ZKSCAN3: variants seen among roughly 807,000 people sequenced by gnomAD.
ZKSCAN3 encodes the protein zinc finger with KRAB and SCAN domains 3.
In ZKSCAN3, 21 loss-of-function variants were observed where a neutral mutation model predicts 30.7. The observed-to-expected ratio is 0.68, with a 90% CI of 0.49 to 0.99. The LOEUF (loss-of-function observed/expected upper bound fraction) is 0.99. Among genes scored for constraint, ZKSCAN3 ranks in the 50% least tolerant of loss-of-function variants. The pLI is 0.00. For missense variants in ZKSCAN3, 507 were observed against 647.1 expected, an observed-to-expected ratio of 0.78 and a Z score of 2.35; for synonymous variants, 201 against 246.7, an observed-to-expected ratio of 0.81 and a Z score of 1.73.
chr6:28,366,258 T>C lies in ZKSCAN3; in HGVS notation c.1590T>C (p.His530=). ...ISYLVQHQRS[H]VGKNILSQ ...ACCTTGTTCAACATCAGAGAAGCCA[T>C]GTAGGGAAAAACATCCTATCACAGT... The change falls in exon 6 of 6, where the codon CAT becomes CAC. Residue 530 remains histidine, a synonymous_variant. Coordinates refer to ENST00000252211, the MANE Select transcript of ZKSCAN3 (RefSeq NM_024493.4). 1 of 1,539,974 alleles carries C rather than the reference T, an allele frequency of 6.5e-7. No homozygotes were observed. Among genetic ancestry groups the C allele is most frequent in the Non-Finnish European group, 8.7e-7 (1 of 1,148,724 alleles).
intron 1 of ZKSCAN3, chr6:28,356,275 C>T (rs1046189280): frequency 6.6e-6 from 1 of 152,246 alleles, no homozygotes; most frequent in Admixed American, 6.5e-5. Context: ...CAGCAATGTC[C>T]TTTTCCCGAA....
chr6:28,367,934 C>T lies in ZKSCAN3; in HGVS notation c.*1649C>T, dbSNP rs567432243. ...TAAGTTCTAGGGTACATGTGCACAACGTGCAGGTTTGTTACATATGTATAC... is the reference window on the plus strand; with the variant it reads ...TAAGTTCTAGGGTACATGTGCACAATGTGCAGGTTTGTTACATATGTATAC... On this transcript the variant is annotated 3_prime_UTR_variant, in exon 6 of 6. Transcript: ENST00000252211. 1 of 151,340 alleles carries T rather than the reference C, an allele frequency of 6.6e-6. No homozygotes were observed. The highest frequency in any genetic ancestry group is 1.5e-5 in the Non-Finnish European group (1 of 67,880). 9.4% of individuals were successfully genotyped at this position (151,340 alleles called of 1,614,324 possible). A position where few individuals can be genotyped will look rare whatever the true frequency, so the allele number is the denominator to read the frequency against.
intron 1 of ZKSCAN3, among the ~76,000 whole-genome samples, chr6:28,358,681 C>T (rs1412900533): frequency 2.6e-5 from 4 of 151,858 alleles, no homozygotes; most frequent in Non-Finnish European, 4.4e-5. Context: ...GTCAGGAGTT[C>T]GAGATCAGCC....
chr6:28,365,347 A>C, intron 5 of ZKSCAN3, 79 bp from the exon 6 acceptor site: 1 of 1,527,346 alleles, frequency 6.5e-7, no homozygotes, highest in African/African-American at 1.4e-5. Flanking sequence ...GACCTCTGTA[A>C]TTCTTGCCTC....
At chr6:28,356,771 A>T (rs1470806726) in intron 1 of ZKSCAN3, among the ~76,000 whole-genome samples, 1 of 151,714 alleles carries the variant, frequency 6.6e-6, no homozygotes, top group Non-Finnish European at 1.5e-5. Flanking sequence ...CCTTCTCCAC[A>T]CTCGTGGAGG....
In ZKSCAN3 at chr6:28,365,799, G is replaced by A. The variant is rs757857137; in HGVS notation, c.1131G>A (p.Lys377=). Residue 377 remains lysine, a synonymous_variant, in exon 6 of 6, where the codon AAG becomes AAA. Transcript: ENST00000252211. The stretch of plus-strand genomic sequence containing the variant: ...CATATGAGTGTGAAGAATGTGGTAA[G>A]GCCTTCAGTCATAGCTCAGACCTTA... ...EKPYECEECG[K]AFSHSSDLIK... 1 of 1,614,094 alleles carries A rather than the reference G, an allele frequency of 6.2e-7. No individual in the cohort carries two copies. The highest frequency in any genetic ancestry group is 1.7e-5 in the Admixed American group (1 of 60,008).
Position 28,359,710 on chromosome 6 carries a change from T to G in ZKSCAN3, c.124T>G (p.Ser42Ala). The G allele has an allele frequency of 6.2e-7, 1 of 1,614,190 alleles. No individual in the cohort carries two copies. Among genetic ancestry groups the G allele is most frequent in the Non-Finnish European group, 8.5e-7 (1 of 1,180,032 alleles). Residue 42 changes from serine to alanine, a missense_variant, in exon 2 of 6, where the codon TCT (serine) becomes GCT (alanine). Coordinates refer to ENST00000252211, the MANE Select transcript of ZKSCAN3 (RefSeq NM_024493.4). The stretch of plus-strand genomic sequence containing the variant: ...TTTTCCCAGTAGCCCAGATCTGGGT[T>G]CTGAGGGCTCCCGCGAGCGCTTCCG... ...AGFPSSPDLG[S>A]EGSRERFRGF...
At chr6:28,358,613 C>T (rs563998555) in intron 1 of ZKSCAN3, among the ~76,000 whole-genome samples, 3 of 152,046 alleles carry the variant, frequency 2.0e-5, no homozygotes, top group Non-Finnish European at 2.9e-5. Flanking sequence ...CTGGGCTGCG[C>T]GCAGTGGCTC....
At chr6:28,363,493 C>T in intron 4 of ZKSCAN3, 108 bp downstream of exon 4, 1 of 1,295,204 alleles carries the variant, frequency 7.7e-7, no homozygotes, top group South Asian at 1.4e-5. Context: ...ATCCTCCATA[C>T]AGATCTCAAA....
At position 28,366,247 on chromosome 6, in the gene ZKSCAN3, C is replaced by T; in HGVS notation, c.1579C>T (p.Gln527Ter). The T allele has an allele frequency of 6.5e-7, 1 of 1,548,880 alleles. No individual in the cohort carries two copies. Among genetic ancestry groups the T allele is most frequent in the Non-Finnish European group, 8.7e-7 (1 of 1,153,074 alleles). The change falls in exon 6 of 6, where the codon CAG becomes TAG. Residue 527 changes from glutamine (Q) to a stop codon, truncating the protein, a stop_gained. Coordinates refer to ENST00000252211, the MANE Select transcript of ZKSCAN3 (RefSeq NM_024493.4). LOFTEE classifies it high-confidence loss of function. ...CCGAATTTCATACCTTGTTCAACAT[C>T]AGAGAAGCCATGTAGGGAAAAACAT... ...FTRISYLVQH[Q>*]RSHVGKNILS...
chr6:28,365,859 C>T lies in ZKSCAN3; in HGVS notation c.1191C>T (p.Pro397=), dbSNP rs1434142631. 2.5e-6 allele frequency: 4 copies of T among 1,613,490 alleles called. No homozygotes were observed. In the African/African-American group the frequency reaches 4.0e-5, roughly 16 times the overall value. ...KHQRTHTGEK[P]YECDDCGKTF... ...AGAGAACCCACACTGGGGAGAAGCC[C>T]TATGAGTGTGATGACTGTGGGAAGA... The change falls in exon 6 of 6, where the codon CCC becomes CCT. Residue 397 remains proline, a synonymous_variant. Transcript: ENST00000252211.
chr6:28,362,386 C>A (rs1462196120), intron 3 of ZKSCAN3, among the ~76,000 whole-genome samples: 1 of 152,200 alleles, frequency 6.6e-6, no homozygotes, highest in Non-Finnish European at 1.5e-5. Context: ...AATCCTGGGT[C>A]TGTTATTAAA....
chr6:28,354,880 A>G (rs2113903950), intron 1 of ZKSCAN3, among the ~76,000 whole-genome samples: 1 of 152,324 alleles, frequency 6.6e-6, no homozygotes, highest in South Asian at 2.1e-4. Flanking sequence ...CCACAAGGTT[A>G]AGCCTTGATA....
At position 28,365,548 on chromosome 6, in the gene ZKSCAN3, G is replaced by A; in HGVS notation, c.880G>A (p.Ala294Thr). ...TGCCCAGATTCCTACATGTGCAGAAGCTGGTGAACAGGAGGGCAGGCTACA... is the reference window on the plus strand; with the variant it reads ...TGCCCAGATTCCTACATGTGCAGAAACTGGTGAACAGGAGGGCAGGCTACA... Reference protein sequence around the residue: ...DIAQIPTCAEAGEQEGRLQRK... With the variant: ...DIAQIPTCAETGEQEGRLQRK... Residue 294 changes from alanine (A) to threonine (T), a missense_variant, in exon 6 of 6, where the codon GCT (alanine) becomes ACT (threonine). Transcript: ENST00000252211. 6.2e-7 allele frequency: 1 copy of A among 1,614,270 alleles called. No individual in the cohort carries two copies. Among genetic ancestry groups the A allele is most frequent in the Non-Finnish European group, 8.5e-7 (1 of 1,180,050 alleles).
intron 1 of ZKSCAN3, among the ~76,000 whole-genome samples, chr6:28,357,624 G>A (rs1330061526): frequency 2.0e-5 from 3 of 152,204 alleles, no homozygotes; most frequent in Non-Finnish European, 4.4e-5. Context: ...CTTGGCAGTT[G>A]CAGCCTACAG....
chr6:28,361,268 G>C, intron 2 of ZKSCAN3, 56 bp from the exon 3 acceptor site: 1 of 1,581,140 alleles, frequency 6.3e-7, no homozygotes, highest in Non-Finnish European at 8.6e-7. Flanking sequence ...AGCCACCTAG[G>C]TAGTTCTATG....
At position 28,366,018 on chromosome 6, in the gene ZKSCAN3, G is replaced by A. The variant is rs756849294; in HGVS notation, c.1350G>A (p.Gly450=). 9 of 1,613,202 alleles carry A rather than the reference G, an allele frequency of 5.6e-6. No homozygotes were observed. Among genetic ancestry groups the A allele is most frequent in the African/African-American group, 2.7e-5 (2 of 74,994 alleles). ...TGAGACATCAGAGGATCCATACTGG[G>A]GATAAAAATGTTCAGGAACCTGAGC... is the stretch of plus-strand genomic sequence containing the variant. ...HLLRHQRIHT[G]DKNVQEPEQG... The change falls in exon 6 of 6, where the codon GGG becomes GGA. Residue 450 remains glycine (G), a synonymous_variant. Coordinates refer to ENST00000252211, the MANE Select transcript of ZKSCAN3 (RefSeq NM_024493.4).
At chr6:28,363,647 C>A in intron 4 of ZKSCAN3, 45 bp from the exon 5 acceptor site, 1 of 1,610,628 alleles carries the variant, frequency 6.2e-7, no homozygotes, top group Non-Finnish European at 8.5e-7. Context: ...CCCACTCCAC[C>A]ATTTTGGTCA....
At chr6:28,360,501 A>AAGTTCATGGACTACGTGGGAAGG in intron 2 of ZKSCAN3, 1 of 882,376 alleles carries the variant, frequency 1.1e-6, no homozygotes, top group South Asian at 5.2e-5. Context: ...TGTCCTGTTC[A>AAGTTCATGGACTACGTGGGAAGG]AGTTCATGGA....
Sources: allele counts gnomAD v4.1 joint callset (sites outside exome capture counted in the v4.1 genomes callset), GRCh38; gene constraint gnomAD v4.1.1; transcripts MANE v1.5; gene names NCBI Gene and HGNC (gene_info 2026-07-23, HGNC 2026-07-21).